The following TRIM55 variants were observed in gnomAD, a reference collection of about 807,000 sequenced individuals.
TRIM55 encodes tripartite motif containing 55.
A neutral mutation model predicts 60.9 loss-of-function variants in TRIM55; 50 were observed. The ratio of observed to expected loss-of-function variants is 0.82; its 90% confidence interval spans 0.65 to 1.04. The LOEUF is 1.04. Among genes scored for constraint, TRIM55 ranks in the 50% least tolerant of loss-of-function variants. TRIM55 has a pLI of 0.00. For synonymous variants in TRIM55, 237 were observed against 238.1 expected (o/e 1.00, Z 0.04); for missense variants, 681 against 666.9 (o/e 1.02, Z -0.23).
chr8:66,137,227 C>T, intron 4 of TRIM55, 37 bp downstream of exon 4: 1 of 1,507,574 alleles, frequency 6.6e-7, no homozygotes, highest in Non-Finnish European at 9.2e-7. Context: ...TCAACCAAGC[C>T]TGCAATGCCT....
chr8:66,172,174 A>C (rs1236831567), intron 9 of TRIM55, among the ~76,000 whole-genome samples: 1 of 152,196 alleles, frequency 6.6e-6, no homozygotes, highest in Admixed American at 6.5e-5. Context: ...CCTTACGACA[A>C]CCTTGTAAGG....
intron 7 of TRIM55, 149 bp from the exon 8 acceptor site, chr8:66,152,227 TG>T: frequency 9.3e-7 from 1 of 1,077,180 alleles, no homozygotes; most frequent in Non-Finnish European, 1.3e-6. Flanking sequence ...CACAAAGCCC[TG>T]GCACGGCACA....
intron 3 of TRIM55, among the ~76,000 whole-genome samples, chr8:66,135,410 G>A (rs1447893097): frequency 6.6e-6 from 1 of 152,230 alleles, no homozygotes; most frequent in African/African-American, 2.4e-5. Context: ...AAGTGGTGCA[G>A]AACGGCACGA....
Position 66,149,876 on chromosome 8 carries a change from C to T in TRIM55, c.835C>T (p.Gln279Ter). Reference protein sequence around the residue: ...MDEPEMAVFLQNAKTLLKKIS... With the variant: ...MDEPEMAVFL ...TGAGCCAGAAATGGCAGTGTTTCTGCAGGTAAGTCTCTTTTTGGCACCAAA... is the reference window on the plus strand; with the variant it reads ...TGAGCCAGAAATGGCAGTGTTTCTGTAGGTAAGTCTCTTTTTGGCACCAAA... The change falls in exon 5 of 10, where the codon CAG becomes TAG. Residue 279 changes from glutamine (Q) to a stop codon, truncating the protein, a stop_gained and splice_region_variant. Transcript: ENST00000315962. LOFTEE classifies it high-confidence loss of function. 6.2e-7 allele frequency: 1 copy of T among 1,611,434 alleles called. No homozygotes were observed. Among genetic ancestry groups the T allele is most frequent in the Non-Finnish European group, 8.5e-7 (1 of 1,177,606 alleles).
At chr8:66,131,976 A>C (rs1563634691) in intron 2 of TRIM55, among the ~76,000 whole-genome samples, 1 of 152,264 alleles carries the variant, frequency 6.6e-6, no homozygotes, top group Admixed American at 6.5e-5. Context: ...AAATACATAA[A>C]TACATACATA....
rs1811411630 is a variant in TRIM55 at position 66,167,881 on chromosome 8, A to G, written c.1525-6590A>G. ...CTCCCACCCAGCCTCCTGAGTAGCT[A>G]GGACTGCAGGCATGTGCCACCACAT... On this transcript the variant is annotated intron_variant, in intron 9 of 9. Transcript: ENST00000315962. 3.9e-5 allele frequency among the ~76,000 whole-genome samples: 6 copies of G among 152,102 alleles called. No individual in the cohort carries two copies. In the South Asian group the frequency reaches 1.2e-3, roughly 32 times the overall value.
chr8:66,154,005 T>G (rs1563383087), intron 8 of TRIM55, 42 bp from the exon 9 acceptor site: 1 of 1,466,826 alleles, frequency 6.8e-7, no homozygotes, highest in Non-Finnish European at 9.1e-7. Context: ...TTCTTCTTCT[T>G]TTTTTTTTTC....
chr8:66,129,654 T>C (rs1369237335), intron 2 of TRIM55, among the ~76,000 whole-genome samples: 3 of 152,252 alleles, frequency 2.0e-5, no homozygotes, highest in Non-Finnish European at 2.9e-5. Flanking sequence ...CTGTTGCTGT[T>C]ACTTTACAGA....
intron 9 of TRIM55, among the ~76,000 whole-genome samples, chr8:66,159,872 C>T (rs1190184898): frequency 1.3e-5 from 2 of 152,098 alleles, no homozygotes; most frequent in East Asian, 3.8e-4. Context: ...ATCTTTTGCC[C>T]AACTTTTTAT....
intron 9 of TRIM55, among the ~76,000 whole-genome samples, chr8:66,163,351 G>T (rs1485130465): frequency 6.6e-6 from 1 of 152,078 alleles, no homozygotes; most frequent in Non-Finnish European, 1.5e-5. Context: ...GTTTGTTAGG[G>T]TTAAAGCTCT....
chr8:66,131,488 G>T (rs534519081), intron 2 of TRIM55, among the ~76,000 whole-genome samples: 1 of 152,182 alleles, frequency 6.6e-6, no homozygotes, highest in South Asian at 2.1e-4. Flanking sequence ...AGACAATTAG[G>T]ACTGAGCCCT....
At position 66,168,594 on chromosome 8, in the gene TRIM55, C is replaced by T. The variant is rs568070005; in HGVS notation, c.1525-5877C>T. ...AGCCGTACCCCTCCTGTCCACATTCCTTTAAGGCAAAGGCATTTCATGATA... is the reference window on the plus strand; with the variant it reads ...AGCCGTACCCCTCCTGTCCACATTCTTTTAAGGCAAAGGCATTTCATGATA... On this transcript the variant is annotated intron_variant, in intron 9 of 9. Coordinates refer to ENST00000315962, the MANE Select transcript of TRIM55 (RefSeq NM_184085.2). 1.5e-4 allele frequency among the ~76,000 whole-genome samples: 23 copies of T among 152,328 alleles called. No homozygotes were observed. In the South Asian group the frequency reaches 4.8e-3, roughly 32 times the overall value.
chr8:66,173,412 G>A (rs1346929361), intron 9 of TRIM55, among the ~76,000 whole-genome samples: 1 of 152,168 alleles, frequency 6.6e-6, no homozygotes, highest in Admixed American at 6.5e-5. Context: ...ATTTTGAGTG[G>A]CAGTAAAACA....
chr8:66,125,614 TG>T (rs1253969704), upstream of TRIM55, among the ~76,000 whole-genome samples: 2 of 152,228 alleles, frequency 1.3e-5, no homozygotes, highest in African/African-American at 4.8e-5. Context: ...CTGCCTAGGC[TG>T]GGTGAACCAA....
At chr8:66,125,629 A>C (rs1180217108), upstream of TRIM55, among the ~76,000 whole-genome samples, 1 of 152,240 alleles carries the variant, frequency 6.6e-6, no homozygotes, top group African/African-American at 2.4e-5. Flanking sequence ...GAACCAAAGT[A>C]ACTCAGTAAA....
At chr8:66,163,702 A>G (rs1811169315) in intron 9 of TRIM55, among the ~76,000 whole-genome samples, 1 of 152,190 alleles carries the variant, frequency 6.6e-6, no homozygotes, top group Non-Finnish European at 1.5e-5. Context: ...AATGTGATCA[A>G]CCTTGGTGAA....
chr8:66,167,319 C>A (rs1156772077), intron 9 of TRIM55, among the ~76,000 whole-genome samples: 1 of 152,170 alleles, frequency 6.6e-6, no homozygotes, highest in Non-Finnish European at 1.5e-5. Flanking sequence ...ATGTAAGAAA[C>A]CCCTGTCTGT....
upstream of TRIM55, among the ~76,000 whole-genome samples, chr8:66,125,101 T>A (rs1328999069): frequency 6.6e-6 from 1 of 152,244 alleles, no homozygotes; most frequent in Non-Finnish European, 1.5e-5. Context: ...AACTGAAATT[T>A]TTTTTCTCTT....
intron 2 of TRIM55, 106 bp from the exon 3 acceptor site, chr8:66,134,884 A>G (rs1270689310): frequency 1.6e-6 from 2 of 1,218,138 alleles, no homozygotes; most frequent in Non-Finnish European, 2.3e-6. Context: ...ATTGCTGGGC[A>G]TACAGGGAAG....
Sources: gnomAD v4.1 joint callset for allele counts (sites outside exome capture counted in the v4.1 genomes callset) on GRCh38, gnomAD v4.1.1 for gene constraint, MANE v1.5 for transcripts, NCBI Gene and HGNC (gene_info 2026-07-23, HGNC 2026-07-21) for gene names.